NELL1: variants seen among roughly 807,000 people sequenced by gnomAD.
The protein encoded by NELL1 is protein kinase C-binding protein NELL1.
A neutral mutation model predicts 107.4 loss-of-function variants in NELL1; 76 were observed. The observed-to-expected ratio is 0.71, with a 90% CI of 0.59 to 0.86. The LOEUF (loss-of-function observed/expected upper bound fraction) is 0.86, where lower values mean the gene tolerates loss of function less well. Among genes scored for constraint, NELL1 ranks in the 40% least tolerant of loss-of-function variants. The probability of loss-of-function intolerance (pLI) is 0.00; values close to 1 mark genes in which losing one functional copy is unlikely to be tolerated. For missense variants in NELL1, 1,024 were observed against 1,005.5 expected (o/e 1.02, Z -0.25); for synonymous variants, 353 against 341.2 (o/e 1.03, Z -0.38).
intron 12 of NELL1, among the ~76,000 whole-genome samples, chr11:21,053,412 T>A (rs755954421): frequency 3.3e-5 from 5 of 152,116 alleles, no homozygotes; most frequent in Non-Finnish European, 7.4e-5. Flanking sequence ...AGAATGATGG[T>A]TTCCAGCTTC....
rs188523241 is a variant in NELL1 at position 21,061,763 on chromosome 11, A to T, written c.1301-51826A>T. 2.9e-3 allele frequency among the ~76,000 whole-genome samples: 436 copies of T among 152,354 alleles called. 1 individual carries two copies. Among genetic ancestry groups the T allele is most frequent in the African/African-American group, 9.6e-3 (399 of 41,586 alleles). ...AAAAGTCCATTTTTGCTTCTCCTCC[A>T]GAGAACTGGAGGTGGGAGCATTTAT... is the stretch of plus-strand genomic sequence containing the variant. On this transcript the variant is annotated intron_variant, in intron 12 of 19. Coordinates refer to ENST00000357134, the MANE Select transcript of NELL1 (RefSeq NM_006157.5).
chr11:21,249,239 A>C (rs1334421874), intron 14 of NELL1, among the ~76,000 whole-genome samples: 1 of 152,138 alleles, frequency 6.6e-6, no homozygotes, highest in East Asian at 1.9e-4. Flanking sequence ...GAGATTATGC[A>C]AATCTGGTGA....
chr11:21,551,385 A>G (rs1856578749), intron 16 of NELL1, among the ~76,000 whole-genome samples: 1 of 152,080 alleles, frequency 6.6e-6, no homozygotes, highest in African/African-American at 2.4e-5. Context: ...TATGTTGAAT[A>G]GGAATGGTGA....
chr11:21,124,855 C>T (rs1271977642), intron 13 of NELL1, among the ~76,000 whole-genome samples: 2 of 152,116 alleles, frequency 1.3e-5, no homozygotes, highest in Admixed American at 6.5e-5. Flanking sequence ...CCTGCCTCAG[C>T]CTCCCAAAGT....
intron 15 of NELL1, among the ~76,000 whole-genome samples, chr11:21,426,210 T>C (rs1852817642): frequency 6.6e-6 from 1 of 152,230 alleles, no homozygotes; most frequent in African/African-American, 2.4e-5. Context: ...CTGCTTATGA[T>C]ATTGTTTCCT....
chr11:21,360,177 G>A (rs56770305), intron 14 of NELL1, among the ~76,000 whole-genome samples: 3,297 of 152,074 alleles, frequency 0.022, 121 homozygotes, highest in African/African-American at 0.076. Context: ...TAGAGATTCT[G>A]TTACGTTGTG....
At chr11:20,964,921 G>A (rs1307248435) in intron 12 of NELL1, among the ~76,000 whole-genome samples, 2 of 151,998 alleles carry the variant, frequency 1.3e-5, no homozygotes, top group African/African-American at 4.8e-5. Flanking sequence ...ACAGGTGATG[G>A]GTATGTGGCA....
chr11:20,879,357 A>T (rs1360862594), intron 4 of NELL1, among the ~76,000 whole-genome samples: 2 of 152,190 alleles, frequency 1.3e-5, no homozygotes, highest in Non-Finnish European at 2.9e-5. Context: ...AAAATAATAT[A>T]TAAAGAAAGA....
At chr11:20,847,830 C>T in intron 4 of NELL1, 77 bp downstream of exon 4, 1 of 1,436,022 alleles carries the variant, frequency 7.0e-7, no homozygotes, top group African/African-American at 1.4e-5. Flanking sequence ...ATATCAAATT[C>T]CTTCAAGACT....
At chr11:21,483,987 TAAC>T (rs1429305566) in intron 15 of NELL1, among the ~76,000 whole-genome samples, 1 of 73,426 alleles carries the variant, frequency 1.4e-5, no homozygotes, top group Non-Finnish European at 2.8e-5. Context: ...CTATTTTACT[TAAC>T]ATATATATAT....
chr11:21,177,699 C>G (rs1856741853), intron 13 of NELL1, among the ~76,000 whole-genome samples: 1 of 151,800 alleles, frequency 6.6e-6, no homozygotes. Flanking sequence ...TCCATACTGT[C>G]TTTTTATAAT....
intron 2 of NELL1, among the ~76,000 whole-genome samples, chr11:20,777,512 A>G (rs1856773046): frequency 6.6e-6 from 1 of 152,248 alleles, no homozygotes; most frequent in African/African-American, 2.4e-5. Flanking sequence ...AAGAAGGGTC[A>G]CAAGACCAAA....
chr11:20,794,737 G>A (rs1320481397), intron 3 of NELL1, among the ~76,000 whole-genome samples: 1 of 152,164 alleles, frequency 6.6e-6, no homozygotes, highest in Non-Finnish European at 1.5e-5. Context: ...GCTGAGGGGA[G>A]ACAGGGTGCT....
chr11:21,238,833 A>G (rs1250539448), intron 14 of NELL1, among the ~76,000 whole-genome samples: 1 of 152,044 alleles, frequency 6.6e-6, no homozygotes, highest in African/African-American at 2.4e-5. Context: ...TCAAATTTTG[A>G]TATTTCTGTT....
chr11:21,277,320 A>G (rs1300617516), intron 14 of NELL1, among the ~76,000 whole-genome samples: 1 of 152,158 alleles, frequency 6.6e-6, no homozygotes, highest in Non-Finnish European at 1.5e-5. Flanking sequence ...ACTGGCCATC[A>G]GAGAAATGCA....
At chr11:21,524,524 A>C (rs1032240686) in intron 15 of NELL1, among the ~76,000 whole-genome samples, 3 of 152,168 alleles carry the variant, frequency 2.0e-5, no homozygotes, top group Admixed American at 2.0e-4. Flanking sequence ...CTTGGATTTT[A>C]ATTTAAAAAC....
At chr11:20,702,533 C>T (rs891287056) in intron 2 of NELL1, among the ~76,000 whole-genome samples, 1 of 152,260 alleles carries the variant, frequency 6.6e-6, no homozygotes, top group African/African-American at 2.4e-5. Context: ...CTGGCCAGAA[C>T]TTCCAACACT....
At chr11:21,317,491 A>G (rs1033738445) in intron 14 of NELL1, among the ~76,000 whole-genome samples, 2 of 3,528 alleles carry the variant, frequency 5.7e-4, no homozygotes, top group African/African-American at 1.2e-3. Context: ...TTTCTGCCTT[A>G]CATATTTTAT....
At chr11:21,101,388 A>G (rs1046054527) in intron 12 of NELL1, among the ~76,000 whole-genome samples, 1 of 152,164 alleles carries the variant, frequency 6.6e-6, no homozygotes, top group Admixed American at 6.5e-5. Flanking sequence ...GGTATTTCTA[A>G]TTCTAGATCC....
Sources: gnomAD v4.1 joint callset for allele counts (sites outside exome capture counted in the v4.1 genomes callset) on GRCh38, gnomAD v4.1.1 for gene constraint, MANE v1.5 for transcripts, NCBI Gene and HGNC (gene_info 2026-07-23, HGNC 2026-07-21) for gene names.